SRD5A1: variants seen among roughly 807,000 people sequenced by gnomAD.
SRD5A1 encodes the protein steroid 5 alpha-reductase 1, also known as 3-oxo-5-alpha-steroid 4-dehydrogenase 1.
In SRD5A1, 22 loss-of-function variants were observed where a neutral mutation model predicts 28.2. The observed-to-expected ratio is 0.78, with a 90% confidence interval of 0.56 to 1.12. SRD5A1 has a LOEUF of 1.12. Among genes scored for constraint, SRD5A1 ranks in the 50% most tolerant of loss-of-function variants. SRD5A1 has a pLI of 0.00. For missense variants in SRD5A1, 300 were observed against 346.7 expected (o/e 0.87, Z 1.07); for synonymous variants, 151 against 135.0 (o/e 1.12, Z -0.82).
intron 3 of SRD5A1, among the ~76,000 whole-genome samples, chr5:6,657,060 T>A (rs957444473): frequency 7.9e-5 from 12 of 152,032 alleles, no homozygotes; most frequent in East Asian, 1.9e-4. Context: ...TCAGAAAAAA[T>A]TTTTTAAAGT....
intron 3 of SRD5A1, 92 bp from the exon 4 acceptor site, chr5:6,662,724 T>G: frequency 1.4e-6 from 2 of 1,395,482 alleles, no homozygotes; most frequent in Non-Finnish European, 9.9e-7. Flanking sequence ...GTTCTTGAAT[T>G]TATGTTCTCC....
At chr5:6,635,270 G>A (rs1010715744) in intron 1 of SRD5A1, among the ~76,000 whole-genome samples, 1 of 152,090 alleles carries the variant, frequency 6.6e-6, no homozygotes, top group African/African-American at 2.4e-5. Flanking sequence ...TTCATCAGAG[G>A]CTTAGTGAGT....
At chr5:6,640,388 G>A (rs1277981706) in intron 1 of SRD5A1, among the ~76,000 whole-genome samples, 1 of 152,200 alleles carries the variant, frequency 6.6e-6, no homozygotes, top group Non-Finnish European at 1.5e-5. Context: ...GGCCATTAAA[G>A]CACCAAATAA....
intron 3 of SRD5A1, among the ~76,000 whole-genome samples, chr5:6,658,364 A>C (rs1738894004): frequency 1.3e-5 from 2 of 152,222 alleles, no homozygotes; most frequent in Non-Finnish European, 2.9e-5. Context: ...GAGCAGTTGC[A>C]GAGTCTATAC....
chr5:6,654,237 A>G (rs976664922), intron 2 of SRD5A1, among the ~76,000 whole-genome samples: 4 of 151,496 alleles, frequency 2.6e-5, no homozygotes, highest in African/African-American at 9.7e-5. Context: ...TATTTTTTTT[A>G]GTAAAGACAG....
intron 4 of SRD5A1, among the ~76,000 whole-genome samples, chr5:6,664,412 A>AT (rs111346175): frequency 0.023 from 3,532 of 150,636 alleles, 57 homozygotes; most frequent in Non-Finnish European, 0.027. Flanking sequence ...TCTTTGTCTA[A>AT]TTTTTTTTTT....
intron 1 of SRD5A1, among the ~76,000 whole-genome samples, chr5:6,636,862 A>C (rs1210986453): frequency 6.6e-6 from 1 of 152,086 alleles, no homozygotes; most frequent in Non-Finnish European, 1.5e-5. Flanking sequence ...TGGAGAATCT[A>C]TGGGGTCTTT....
At chr5:6,640,132 GA>G (rs1738317550) in intron 1 of SRD5A1, among the ~76,000 whole-genome samples, 1 of 152,116 alleles carries the variant, frequency 6.6e-6, no homozygotes, top group South Asian at 2.1e-4. Flanking sequence ...GAGCACCTGG[GA>G]AAAGGGACAT....
chr5:6,645,491 T>C (rs1251367853), intron 1 of SRD5A1, among the ~76,000 whole-genome samples: 1 of 151,880 alleles, frequency 6.6e-6, no homozygotes, highest in East Asian at 1.9e-4. Context: ...AATACAAAAT[T>C]AGCCGGGTGT....
chr5:6,658,396 C>T (rs1031314523), intron 3 of SRD5A1, among the ~76,000 whole-genome samples: 1 of 152,160 alleles, frequency 6.6e-6, no homozygotes, highest in African/African-American at 2.4e-5. Context: ...AGAACACCTG[C>T]GACGAACCCG....
At position 6,671,825 on chromosome 5, in the gene SRD5A1, T is replaced by C. The variant is rs536136160; in HGVS notation, c.*3557T>C. ...TACCACCTGTACCCCCAATAACTTA[T>C]GGGAAAAAAAGATATTCATCGACCT... On this transcript the variant is annotated 3_prime_UTR_variant, in exon 5 of 5. Transcript: ENST00000274192. 4.6e-5 allele frequency: 7 copies of C among 152,112 alleles called. No homozygotes were observed. The highest frequency in any genetic ancestry group is 9.7e-5 in the African/African-American group (4 of 41,380). 9.4% of individuals were successfully genotyped at this position (152,112 alleles called of 1,614,324 possible). A position where few individuals can be genotyped will look rare whatever the true frequency, so the allele number is the denominator to read the frequency against.
Position 6,674,024 on chromosome 5 carries a change from T to C in SRD5A1, c.*5756T>C, listed in dbSNP as rs769206907. On this transcript the variant is annotated 3_prime_UTR_variant, in exon 5 of 5. Coordinates refer to ENST00000274192, the MANE Select transcript of SRD5A1 (RefSeq NM_001047.4). Reference sequence around the variant, plus strand: ...CTATTATTATGATACTTTATGGATATAGAATATTATGCATTTTTCAAAACA... The same window carrying C: ...CTATTATTATGATACTTTATGGATACAGAATATTATGCATTTTTCAAAACA... The C allele has an allele frequency of 8.5e-5, 13 of 152,152 alleles. No individual in the cohort carries two copies. The highest frequency in any genetic ancestry group is 1.3e-4 in the Non-Finnish European group (9 of 68,020). 9.4% of individuals were successfully genotyped at this position (152,152 alleles called of 1,614,324 possible). A position where few individuals can be genotyped will look rare whatever the true frequency, so the allele number is the denominator to read the frequency against.
intron 4 of SRD5A1, 39 bp downstream of exon 4, chr5:6,663,005 T>C: frequency 1.2e-6 from 2 of 1,604,440 alleles, no homozygotes; most frequent in Non-Finnish European, 1.7e-6. Context: ...TAATTTGTTC[T>C]TTGACTATAT....
At chr5:6,654,422 T>A (rs1336581823) in intron 2 of SRD5A1, among the ~76,000 whole-genome samples, 1 of 143,574 alleles carries the variant, frequency 7.0e-6, no homozygotes, top group African/African-American at 2.7e-5. Context: ...ATAGAAAGAT[T>A]TTAAGTTTTT....
intron 1 of SRD5A1, among the ~76,000 whole-genome samples, chr5:6,643,828 C>T (rs541996770): frequency 1.3e-5 from 2 of 152,284 alleles, no homozygotes; most frequent in South Asian, 4.1e-4. Flanking sequence ...GTGAAGAAAT[C>T]CTGCTGCCTT....
At chr5:6,640,712 G>C (rs1431284263) in intron 1 of SRD5A1, among the ~76,000 whole-genome samples, 1 of 152,056 alleles carries the variant, frequency 6.6e-6, no homozygotes. Context: ...ATTATAACAT[G>C]ACAGAGAACA....
At position 6,674,136 on chromosome 5, in the gene SRD5A1, A is replaced by G. The variant is rs1739440012; in HGVS notation, c.*5868A>G. ...TTATTTAATTAAAATGATTTATTTT[A>G]CTTATTTTCATTATTATCTAAAATG... On this transcript the variant is annotated 3_prime_UTR_variant, in exon 5 of 5. Coordinates refer to ENST00000274192, the MANE Select transcript of SRD5A1 (RefSeq NM_001047.4). 2.0e-5 allele frequency: 3 copies of G among 151,798 alleles called. No homozygotes were observed. In the South Asian group the frequency reaches 6.2e-4, roughly 31 times the overall value. The allele number at this position is 151,798 out of a possible 1,614,324, so 9.4% of individuals were successfully genotyped here.
At position 6,657,977 on chromosome 5, in the gene SRD5A1, C is replaced by T. The variant is rs1021089450; in HGVS notation, c.562+1798C>T. Among the ~76,000 whole-genome samples, 9 of 152,228 alleles carry T rather than the reference C, an allele frequency of 5.9e-5. No individual in the cohort carries two copies. The East Asian group carries it at 9.6e-4, about 16-fold the overall frequency. On this transcript the variant is annotated intron_variant, in intron 3 of 4. Transcript: ENST00000274192. ...GCAGCAAAACTTACCTGAGCAGAAA[C>T]GTGTTTCACAAAGCAGGGGAAAATT...
At chr5:6,654,797 T>G (rs1225544893) in intron 2 of SRD5A1, among the ~76,000 whole-genome samples, 2 of 152,204 alleles carry the variant, frequency 1.3e-5, no homozygotes, top group African/African-American at 4.8e-5. Flanking sequence ...ACTAGTTTTC[T>G]TCCAATCTAA....
Sources: gnomAD v4.1 joint callset for allele counts (sites outside exome capture counted in the v4.1 genomes callset) on GRCh38, gnomAD v4.1.1 for gene constraint, MANE v1.5 for transcripts, NCBI Gene and HGNC (gene_info 2026-07-23, HGNC 2026-07-21) for gene names.